RAB27B: variants seen among roughly 807,000 people sequenced by gnomAD.
The protein encoded by RAB27B is ras-related protein Rab-27B.
A neutral mutation model predicts 24.6 loss-of-function variants in RAB27B; 15 were observed. The ratio of observed to expected loss-of-function variants is 0.61; its 90% CI spans 0.41 to 0.94. The LOEUF (loss-of-function observed/expected upper bound fraction) is 0.94, where lower values mean the gene tolerates loss of function less well. Among genes scored for constraint, RAB27B ranks in the 40% least tolerant of loss-of-function variants. The pLI, the probability that RAB27B is intolerant of heterozygous loss-of-function variation, is 0.00. For synonymous variants in RAB27B, 105 were observed against 92.5 expected (o/e 1.14, Z -0.78); for missense variants, 261 against 266.8 (o/e 0.98, Z 0.15).
chr18:54,785,042 A>C (rs1479490717), intron 2 of RAB27B, among the ~76,000 whole-genome samples: 1 of 150,188 alleles, frequency 6.7e-6, no homozygotes, highest in Non-Finnish European at 1.5e-5. Flanking sequence ...TGTCCTCCCA[A>C]CCTATCAGCC....
At chr18:54,771,361 A>G (rs1303055510) in intron 2 of RAB27B, among the ~76,000 whole-genome samples, 2 of 152,188 alleles carry the variant, frequency 1.3e-5, no homozygotes, top group African/African-American at 2.4e-5. Context: ...GGAAGAGTCT[A>G]ATGTCTCAGG....
chr18:54,763,871 G>A (rs55951055), intron 2 of RAB27B, among the ~76,000 whole-genome samples: 8,472 of 152,176 alleles, frequency 0.056, 301 homozygotes, highest in Admixed American at 0.085. Flanking sequence ...ATATGATGGA[G>A]CCTGGTTTTC....
At chr18:54,837,649 G>C (rs1364373944) in intron 1 of RAB27B, among the ~76,000 whole-genome samples, 1 of 152,110 alleles carries the variant, frequency 6.6e-6, no homozygotes, top group Non-Finnish European at 1.5e-5. Flanking sequence ...TGGAAAGAAG[G>C]AGGTGGAGTA....
chr18:54,855,611 C>T (rs1022957590), intron 1 of RAB27B, among the ~76,000 whole-genome samples: 1 of 152,124 alleles, frequency 6.6e-6, no homozygotes, highest in Non-Finnish European at 1.5e-5. Context: ...TTAAAATCCC[C>T]AACACATATT....
chr18:54,833,390 C>A (rs954384609), intron 1 of RAB27B, among the ~76,000 whole-genome samples: 1 of 151,988 alleles, frequency 6.6e-6, no homozygotes, highest in African/African-American at 2.4e-5. Context: ...CCACTCCAGG[C>A]TAATTTTTGT....
rs932725235 is a variant in RAB27B, at chr18:54,895,413, T to C, written c.*6000T>C. On this transcript the variant is annotated 3_prime_UTR_variant, in exon 6 of 6. Transcript: ENST00000262094. ...TCTAGTGGCTTCAGAAATCATAGCA[T>C]CCAATGATTTTTTGGTGTCTGGCTA... The C allele has an allele frequency of 6.6e-6, 1 of 152,140 alleles. No homozygotes were observed. The highest frequency in any genetic ancestry group is 1.5e-5 in the Non-Finnish European group (1 of 68,012). The allele number at this position is 152,140 out of a possible 1,614,324, so 9.4% of individuals were successfully genotyped here. A position where few individuals can be genotyped will look rare whatever the true frequency, so the allele number is the denominator to read the frequency against.
intron 2 of RAB27B, among the ~76,000 whole-genome samples, chr18:54,781,738 C>A (rs763228774): frequency 4.5e-4 from 69 of 152,284 alleles, no homozygotes; most frequent in Non-Finnish European, 8.4e-4. Flanking sequence ...AGCTGACAAA[C>A]TTCTTTGCTG....
chr18:54,861,266 TAAAC>T (rs1598969374), intron 1 of RAB27B, among the ~76,000 whole-genome samples: 1 of 151,668 alleles, frequency 6.6e-6, no homozygotes, highest in Non-Finnish European at 1.5e-5. Context: ...ATCATTTTAT[TAAAC>T]AAGCCATATC....
chr18:54,797,844 G>T (rs756154619), intron 2 of RAB27B, among the ~76,000 whole-genome samples: 3 of 152,108 alleles, frequency 2.0e-5, no homozygotes, highest in Non-Finnish European at 4.4e-5. Flanking sequence ...TTTCTGAATG[G>T]ACTTATTTTC....
At chr18:54,872,196 C>T (rs1912497944) in intron 1 of RAB27B, among the ~76,000 whole-genome samples, 1 of 152,172 alleles carries the variant, frequency 6.6e-6, no homozygotes, top group Admixed American at 6.6e-5. Flanking sequence ...TTTATGTGTT[C>T]TCTGCTAGCA....
chr18:54,784,562 A>G (rs888279172), intron 2 of RAB27B, among the ~76,000 whole-genome samples: 1 of 152,144 alleles, frequency 6.6e-6, no homozygotes, highest in Non-Finnish European at 1.5e-5. Context: ...AGAACATACA[A>G]TATTTGGTTT....
intron 2 of RAB27B, among the ~76,000 whole-genome samples, chr18:54,739,225 C>T (rs1348183760): frequency 3.3e-5 from 5 of 151,942 alleles, no homozygotes; most frequent in East Asian, 1.9e-4. Flanking sequence ...GAGGCTGAAG[C>T]GGGTGGATCA....
At chr18:54,837,955 G>A (rs2145195358) in intron 1 of RAB27B, among the ~76,000 whole-genome samples, 1 of 152,132 alleles carries the variant, frequency 6.6e-6, no homozygotes, top group South Asian at 2.1e-4. Context: ...GACAAGTCGT[G>A]TCTCAATCAG....
At chr18:54,819,684 A>G (rs1910239597) in intron 2 of RAB27B, among the ~76,000 whole-genome samples, 1 of 152,028 alleles carries the variant, frequency 6.6e-6, no homozygotes, top group Non-Finnish European at 1.5e-5. Context: ...TGTTAGTTAC[A>G]TATGTATACA....
chr18:54,835,041 G>T (rs1011953991), intron 1 of RAB27B, among the ~76,000 whole-genome samples: 1 of 151,788 alleles, frequency 6.6e-6, no homozygotes, highest in African/African-American at 2.4e-5. Context: ...AGCCTGAGAA[G>T]TTCATTAAAT....
At chr18:54,753,567 G>A (rs933535689) in intron 2 of RAB27B, among the ~76,000 whole-genome samples, 1 of 152,130 alleles carries the variant, frequency 6.6e-6, no homozygotes, top group African/African-American at 2.4e-5. Flanking sequence ...CAATAAAGTA[G>A]CCAGTCCTCG....
At chr18:54,842,072 C>T (rs1468449754) in intron 1 of RAB27B, among the ~76,000 whole-genome samples, 1 of 152,176 alleles carries the variant, frequency 6.6e-6, no homozygotes, top group Non-Finnish European at 1.5e-5. Context: ...TGTCTAATGG[C>T]AGAAGACGGC....
In RAB27B at chr18:54,793,030, GA is replaced by G. The variant is rs536356416; in HGVS notation, c.-20+74897del. On this transcript the variant is annotated intron_variant, in intron 2 of 4. Transcript: ENST00000586570. ...AATTATTTTTAATCTGCATTTGGTT[GA>G]AAAAAAATCTGCATTTAAATTGACC... Among the ~76,000 whole-genome samples, 44 of 150,452 alleles carry G rather than the reference GA, an allele frequency of 2.9e-4. No homozygotes were observed. In the South Asian group the frequency reaches 8.6e-3, roughly 29 times the overall value.
At chr18:54,738,836 C>A (rs1479886125) in intron 2 of RAB27B, among the ~76,000 whole-genome samples, 1 of 152,034 alleles carries the variant, frequency 6.6e-6, no homozygotes, top group East Asian at 1.9e-4. Flanking sequence ...CTAAAATAAG[C>A]CTCATTTATT....
Sources: allele counts gnomAD v4.1 joint callset (sites outside exome capture counted in the v4.1 genomes callset), GRCh38; gene constraint gnomAD v4.1.1; transcripts MANE v1.5; gene names NCBI Gene and HGNC (gene_info 2026-07-23, HGNC 2026-07-21).